ACTN2: variants seen among roughly 807,000 people sequenced by gnomAD.
ACTN2 encodes the protein actinin alpha 2.
Under a neutral mutation model 113.8 loss-of-function variants are expected in ACTN2, and 39 were observed. That is an observed-to-expected ratio of 0.34 (90% confidence interval 0.27 to 0.45). The LOEUF (loss-of-function observed/expected upper bound fraction) is 0.45. Among genes scored for constraint, ACTN2 ranks in the 20% least tolerant of loss-of-function variants. ACTN2 has a pLI of 1.00. For missense variants in ACTN2, 992 were observed against 1,177.9 expected (o/e 0.84, Z 2.31); for synonymous variants, 429 against 444.1 (o/e 0.97, Z 0.43).
chr1:236,731,708 A>C (rs1190634360), intron 7 of ACTN2, among the ~76,000 whole-genome samples: 1 of 152,236 alleles, frequency 6.6e-6, no homozygotes, highest in African/African-American at 2.4e-5. Flanking sequence ...TGACATACTT[A>C]AGAGAAAAAA....
chr1:236,722,832 A>AT (rs1230481417), intron 4 of ACTN2, among the ~76,000 whole-genome samples: 1 of 152,080 alleles, frequency 6.6e-6, no homozygotes, highest in Non-Finnish European at 1.5e-5. Context: ...TTTGTGCCAA[A>AT]TGGCCGCATT....
intron 1 of ACTN2, among the ~76,000 whole-genome samples, chr1:236,700,049 C>T (rs899964016): frequency 2.6e-5 from 4 of 152,182 alleles, no homozygotes; most frequent in Non-Finnish European, 5.9e-5. Context: ...TTCACCTGTA[C>T]ACCACCCCCA....
rs184583562 is a variant in ACTN2, at chr1:236,699,513, T to G, written c.126+12714T>G. Reference sequence around the variant, plus strand: ...CACATTATCGGAGTGAATGCTGATATGTCTGACGCACTTCCAAAAGAAGCC... The same window carrying G: ...CACATTATCGGAGTGAATGCTGATAGGTCTGACGCACTTCCAAAAGAAGCC... On this transcript the variant is annotated intron_variant, in intron 1 of 20. Transcript: ENST00000366578. 5.3e-5 allele frequency among the ~76,000 whole-genome samples: 8 copies of G among 152,268 alleles called. No homozygotes were observed. In the East Asian group the frequency reaches 1.2e-3, roughly 22 times the overall value.
chr1:236,735,048 G>T (rs187836139), intron 7 of ACTN2, among the ~76,000 whole-genome samples: 41 of 152,214 alleles, frequency 2.7e-4, no homozygotes, highest in Non-Finnish European at 8.8e-5. Context: ...GTTATTCTTG[G>T]TGATTTCTAT....
chr1:236,715,570 G>A (rs1273167188), intron 1 of ACTN2, among the ~76,000 whole-genome samples: 1 of 151,928 alleles, frequency 6.6e-6, no homozygotes, highest in Non-Finnish European at 1.5e-5. Flanking sequence ...TGCAACTGAG[G>A]AGCTAATTTT....
intron 7 of ACTN2, among the ~76,000 whole-genome samples, chr1:236,733,988 CTTTG>C (rs1442619539): frequency 6.6e-6 from 1 of 152,182 alleles, no homozygotes; most frequent in East Asian, 1.9e-4. Context: ...CTCCACAAAT[CTTTG>C]TTTGAGGTGC....
At chr1:236,696,561 A>G (rs1444821954) in intron 1 of ACTN2, among the ~76,000 whole-genome samples, 1 of 152,132 alleles carries the variant, frequency 6.6e-6, no homozygotes, top group Non-Finnish European at 1.5e-5. Flanking sequence ...GATAATTTAT[A>G]TGTAAGATAG....
intron 4 of ACTN2, among the ~76,000 whole-genome samples, chr1:236,722,669 A>T (rs1189335217): frequency 6.6e-6 from 1 of 151,140 alleles, no homozygotes; most frequent in Non-Finnish European, 1.5e-5. Context: ...AAAATGAGAG[A>T]TTAATATATC....
Position 236,764,183 on chromosome 1 carries a change from C to T in ACTN2, c.*1564C>T, listed in dbSNP as rs1379517041. 1 of 152,162 alleles carries T rather than the reference C, an allele frequency of 6.6e-6. No individual in the cohort carries two copies. Among genetic ancestry groups the T allele is most frequent in the African/African-American group, 2.4e-5 (1 of 41,424 alleles). 9.4% of individuals were successfully genotyped at this position (152,162 alleles called of 1,614,324 possible). A position where few individuals can be genotyped will look rare whatever the true frequency, so the allele number is the denominator to read the frequency against. On this transcript the variant is annotated 3_prime_UTR_variant, in exon 21 of 21. Coordinates refer to ENST00000366578, the MANE Select transcript of ACTN2 (RefSeq NM_001103.4). ...TAGAACCTTCAACCTTTATGAATTTCACTTAATTTGCTTCATTATTAAGTA... is the reference window on the plus strand; with the variant it reads ...TAGAACCTTCAACCTTTATGAATTTTACTTAATTTGCTTCATTATTAAGTA...
In ACTN2 at chr1:236,764,170, C is replaced by T. The variant is rs1659783989; in HGVS notation, c.*1551C>T. 1 of 152,164 alleles carries T rather than the reference C, an allele frequency of 6.6e-6. No homozygotes were observed. Among genetic ancestry groups the T allele is most frequent in the Non-Finnish European group, 1.5e-5 (1 of 68,032 alleles). The allele number at this position is 152,164 out of a possible 1,614,324, so 9.4% of individuals were successfully genotyped here. On this transcript the variant is annotated 3_prime_UTR_variant, in exon 21 of 21. Transcript: ENST00000366578. ...ACACTGGGCCATTTAGAACCTTCAA[C>T]CTTTATGAATTTCACTTAATTTGCT... is the stretch of plus-strand genomic sequence containing the variant.
intron 10 of ACTN2, among the ~76,000 whole-genome samples, chr1:236,742,171 TCC>T (rs1450867088): frequency 6.6e-6 from 1 of 152,162 alleles, no homozygotes; most frequent in African/African-American, 2.4e-5. Context: ...GCTGGCAGTA[TCC>T]CTTGACCCTG....
chr1:236,755,766 C>G lies in ACTN2; in HGVS notation c.2154+568C>G, dbSNP rs1237048384. The stretch of plus-strand genomic sequence containing the variant: ...AGTGCCCGCTGCCACTGTTAGAACC[C>G]TGGTAATAGAGTATATACTGCAGAG... On this transcript the variant is annotated intron_variant, in intron 17 of 20. Transcript: ENST00000366578. Among the ~76,000 whole-genome samples the G allele has an allele frequency of 1.2e-3, 43 of 34,692 alleles. 1 individual carries two copies. The highest frequency in any genetic ancestry group is 3.7e-3 in the African/African-American group (40 of 10,816). The allele number at this position is 34,692 out of a possible 152,430, so 22.8% of individuals were successfully genotyped here.
intron 1 of ACTN2, among the ~76,000 whole-genome samples, chr1:236,691,606 C>A (rs920337624): frequency 3.3e-5 from 5 of 151,848 alleles, no homozygotes; most frequent in Non-Finnish European, 7.4e-5. Context: ...GATCGTGCCG[C>A]TGCACTCCAG....
intron 8 of ACTN2, 138 bp downstream of exon 8, chr1:236,735,858 G>T: frequency 1.2e-6 from 1 of 829,816 alleles, no homozygotes. Context: ...ACCTCATATG[G>T]CAAGTTCTAA....
intron 19 of ACTN2, among the ~76,000 whole-genome samples, chr1:236,760,804 T>C (rs1229557866): frequency 6.6e-6 from 1 of 152,244 alleles, no homozygotes; most frequent in African/African-American, 2.4e-5. Flanking sequence ...AGCTTCTGGT[T>C]TGAAGCTCCA....
chr1:236,749,916 G>T (rs1025221949), intron 14 of ACTN2, among the ~76,000 whole-genome samples: 5 of 152,194 alleles, frequency 3.3e-5, no homozygotes, highest in Non-Finnish European at 5.9e-5. Context: ...TGTACTAGCT[G>T]CTGAGTTAAC....
chr1:236,709,287 T>TC (rs1657941277), intron 1 of ACTN2, among the ~76,000 whole-genome samples: 1 of 142,050 alleles, frequency 7.0e-6, no homozygotes, highest in Non-Finnish European at 1.5e-5. Flanking sequence ...TATGTATATA[T>TC]ATGTATATAT....
Position 236,757,579 on chromosome 1 carries a change from A to G in ACTN2, c.2248A>G (p.Ile750Val). 1 of 1,614,220 alleles carries G rather than the reference A, an allele frequency of 6.2e-7. No individual in the cohort carries two copies. ...GATCCTGACGAGAGATGCGAAGGGC[A>G]TCACCCAGGAGCAGATGAATGAGTT... ...TQILTRDAKGITQEQMNEFRA... is the reference protein window; with the variant it reads ...TQILTRDAKGVTQEQMNEFRA... The change falls in exon 18 of 21, where the codon ATC becomes GTC. Residue 750 changes from isoleucine (I) to valine (V), a missense_variant. By Grantham distance (29) the Ile-to-Val change is conservative (BLOSUM62 3). Transcript: ENST00000366578.
chr1:236,761,092 C>T lies in ACTN2; in HGVS notation c.2445C>T (p.Ile815=), dbSNP rs397516575. The change falls in exon 20 of 21, where the codon ATC becomes ATT. Residue 815 remains isoleucine, a synonymous_variant. Coordinates refer to ENST00000366578, the MANE Select transcript of ACTN2 (RefSeq NM_001103.4). The part of the protein sequence containing the change: ...GQGTVTFQSF[I]DFMTRETADT... ...GCACCGTCACCTTCCAATCCTTCAT[C>T]GACTTCATGACTAGAGAGACGGCTG... 76 of 1,614,146 alleles carry T rather than the reference C, an allele frequency of 4.7e-5. No individual in the cohort carries two copies. In the East Asian group the frequency reaches 5.1e-4, roughly 11 times the overall value.
Sources: allele counts gnomAD v4.1 joint callset (sites outside exome capture counted in the v4.1 genomes callset), GRCh38; gene constraint gnomAD v4.1.1; transcripts MANE v1.5; gene names NCBI Gene and HGNC (gene_info 2026-07-23, HGNC 2026-07-21).